The following TG variants were observed in gnomAD, a reference collection of about 807,000 sequenced individuals.
TG encodes the protein thyroid hormones.
TG carries 270 observed loss-of-function variants against 324.7 expected under a neutral mutation model. The ratio of observed to expected loss-of-function variants is 0.83; its 90% CI spans 0.75 to 0.92. The LOEUF (loss-of-function observed/expected upper bound fraction) is 0.92. Ranked by LOEUF, TG falls within the 40% of genes least tolerant of loss-of-function variation. TG has a pLI of 0.00. For synonymous variants in TG, 1,401 were observed against 1,327.0 expected (o/e 1.06, Z -1.21); for missense variants, 3,591 against 3,456.4 (o/e 1.04, Z -0.98).
chr8:133,098,380 G>A (rs4403389), intron 43 of TG, among the ~76,000 whole-genome samples: 31,198 of 152,242 alleles, frequency 0.2, 3,578 homozygotes, highest in Middle Eastern at 0.27. Context: ...GGAAGTTCTA[G>A]TCTTAGTATT....
At chr8:133,006,592 A>G (rs913069495) in intron 35 of TG, among the ~76,000 whole-genome samples, 6 of 152,212 alleles carry the variant, frequency 3.9e-5, no homozygotes, top group African/African-American at 1.4e-4. Context: ...CATGATTGAA[A>G]GAACAAATAT....
At position 133,131,125 on chromosome 8, in the gene TG, C is replaced by T. The variant is rs115226411; in HGVS notation, c.7863-687C>T. 8.2e-3 allele frequency among the ~76,000 whole-genome samples: 1,248 copies of T among 152,316 alleles called. 15 individuals carry two copies. Among genetic ancestry groups the T allele is most frequent in the African/African-American group, 0.028 (1,184 of 41,566 alleles). On this transcript the variant is annotated intron_variant, in intron 45 of 47. Transcript: ENST00000220616. ...TTTACTATGCAGTGGTGAAATCCAT[C>T]CTGGCTTTTCCACTCTACCACTCTC...
In TG at chr8:133,039,952, T is replaced by C. The variant is rs781552064; in HGVS notation, c.7239+9929T>C. On this transcript the variant is annotated intron_variant, in intron 41 of 47. Coordinates refer to ENST00000220616, the MANE Select transcript of TG (RefSeq NM_003235.5). ...CTCACATGTTCACAGAGCACTTGCA[T>C]GCACACACACACACACACACACACA... 5.1e-4 allele frequency: 544 copies of C among 1,076,672 alleles called. 4 individuals carry two copies. In the African/African-American group the frequency reaches 0.01, roughly 20 times the overall value. The allele number at this position is 1,076,672 out of a possible 1,614,324, so 66.7% of individuals were successfully genotyped here.
At chr8:133,090,213 G>C (rs1023676096) in intron 41 of TG, 2 of 152,236 alleles carry the variant, frequency 1.3e-5, no homozygotes, top group African/African-American at 4.8e-5. Context: ...AAGCCAGCTA[G>C]AGATAGTCAC....
At chr8:133,048,060 C>T (rs1342425488) in intron 41 of TG, 1 of 606,298 alleles carries the variant, frequency 1.6e-6, no homozygotes, top group East Asian at 2.8e-5. Context: ...AGACAGGAAG[C>T]ATCATCTCTC....
Position 132,886,947 on chromosome 8 carries a change from A to G in TG, c.1575A>G (p.Gly525=). The G allele has an allele frequency of 6.2e-7, 1 of 1,614,142 alleles. No homozygotes were observed. Among genetic ancestry groups the G allele is most frequent in the Non-Finnish European group, 8.5e-7 (1 of 1,180,030 alleles). ...QEDLAKPLSV[G]LDSNSSTGTP... is the part of the protein sequence containing the mutation. The stretch of plus-strand genomic sequence containing the variant: ...ATTTGGCCAAGCCACTCTCTGTGGG[A>G]TTAGATTCAAATTCTTCCACAGGAA... The change falls in exon 9 of 48, where the codon GGA becomes GGG. Residue 525 remains glycine (G), a synonymous_variant. Transcript: ENST00000220616.
At chr8:132,938,774 C>G (rs946530786) in intron 25 of TG, among the ~76,000 whole-genome samples, 2 of 152,164 alleles carry the variant, frequency 1.3e-5, no homozygotes, top group African/African-American at 4.8e-5. Flanking sequence ...GCCCATCGGC[C>G]AGGCGCAGTG....
chr8:132,966,462 C>T, intron 29 of TG, 98 bp from the exon 30 acceptor site: 1 of 1,362,598 alleles, frequency 7.3e-7, no homozygotes, highest in Non-Finnish European at 1.0e-6. Context: ...CTCTGTCTCT[C>T]TCTCTGTGTG....
chr8:133,118,972 G>A (rs990106448), intron 45 of TG, among the ~76,000 whole-genome samples: 15 of 152,120 alleles, frequency 9.9e-5, no homozygotes, highest in African/African-American at 3.6e-4. Flanking sequence ...GAAGAGAGAA[G>A]GCAATGTGAT....
intron 41 of TG, chr8:133,089,855 C>G (rs1300103496): frequency 6.6e-6 from 1 of 152,238 alleles, no homozygotes; most frequent in Non-Finnish European, 1.5e-5. Context: ...CCCTGTTCCT[C>G]CCATTTATTT....
chr8:132,935,290 G>A (rs991181663), intron 24 of TG, among the ~76,000 whole-genome samples: 7 of 151,820 alleles, frequency 4.6e-5, no homozygotes, highest in African/African-American at 9.7e-5. Flanking sequence ...ACAGGCAGAC[G>A]CCACCACACC....
intron 26 of TG, 129 bp from the exon 27 acceptor site, chr8:132,948,647 C>T: frequency 9.8e-7 from 1 of 1,022,562 alleles, no homozygotes; most frequent in South Asian, 1.3e-5. Context: ...CTCTTGAATT[C>T]TAGTGTCTAT....
intron 41 of TG, among the ~76,000 whole-genome samples, chr8:133,071,203 G>A (rs1339888475): frequency 1.3e-5 from 2 of 152,292 alleles, no homozygotes; most frequent in African/African-American, 4.8e-5. Context: ...TGTGTTACAT[G>A]TACTCTCCAC....
intron 32 of TG, among the ~76,000 whole-genome samples, chr8:132,971,109 A>T: frequency 6.6e-6 from 1 of 152,262 alleles, no homozygotes; most frequent in Admixed American, 6.5e-5. Flanking sequence ...GGAAACTTGG[A>T]ATTGACCCCA....
Position 132,882,584 on chromosome 8 carries a change from T to C in TG, c.861T>C (p.Val287=). The change falls in exon 7 of 48, where the codon GTT becomes GTC. Residue 287 remains valine (V), a synonymous_variant. Coordinates refer to ENST00000220616, the MANE Select transcript of TG (RefSeq NM_003235.5). ...YRILQRRFLA[V]QSVISGRFRC... ...TACTGCAGAGACGGTTCCTCGCAGT[T>C]CAATCAGTCATCTCTGGCAGATTCC... 2 of 1,614,212 alleles carry C rather than the reference T, an allele frequency of 1.2e-6. No homozygotes were observed. The highest frequency in any genetic ancestry group is 1.7e-6 in the Non-Finnish European group (2 of 1,180,022).
chr8:133,051,929 T>G (rs1453300584), intron 41 of TG, among the ~76,000 whole-genome samples: 1 of 152,222 alleles, frequency 6.6e-6, no homozygotes, highest in African/African-American at 2.4e-5. Flanking sequence ...ACTGAGCACC[T>G]GTCGTAAGCA....
rs367767514 is a variant in TG at position 132,901,523 on chromosome 8, C to A, written c.3604C>A (p.Arg1202Ser). ...MDSGEEVPGT[R>S]VTGGQPACES... ...CAGCGGAGAAGAGGTGCCTGGGACG[C>A]GCGTGACCGGGGGCCAGCCCGCCTG... Residue 1202 changes from arginine to serine, a missense_variant, in exon 16 of 48, where the codon CGC becomes AGC. Coordinates refer to ENST00000220616, the MANE Select transcript of TG (RefSeq NM_003235.5). 2 of 1,613,554 alleles carry A rather than the reference C, an allele frequency of 1.2e-6. No homozygotes were observed. Among genetic ancestry groups the A allele is most frequent in the Non-Finnish European group, 1.7e-6 (2 of 1,179,974 alleles).
At chr8:132,979,595 G>A (rs187215476) in intron 34 of TG, among the ~76,000 whole-genome samples, 3 of 152,162 alleles carry the variant, frequency 2.0e-5, no homozygotes, top group Non-Finnish European at 2.9e-5. Flanking sequence ...CACTAGGCTA[G>A]CATTTGGCAT....
chr8:132,965,740 A>G (rs150212941), intron 29 of TG, among the ~76,000 whole-genome samples: 19 of 152,326 alleles, frequency 1.2e-4, no homozygotes, highest in African/African-American at 4.6e-4. Flanking sequence ...GGAAGGTGTA[A>G]TGGAGCTTGA....
Sources: gnomAD v4.1 joint callset for allele counts (sites outside exome capture counted in the v4.1 genomes callset) on GRCh38, gnomAD v4.1.1 for gene constraint, MANE v1.5 for transcripts, NCBI Gene and HGNC (gene_info 2026-07-23, HGNC 2026-07-21) for gene names.